The following NOM1 variants were observed in gnomAD, a reference collection of about 807,000 sequenced individuals.
The protein encoded by NOM1 is nucleolar protein with MIF4G domain 1, also known as nucleolar MIF4G domain-containing protein 1.
A neutral mutation model predicts 73.3 loss-of-function variants in NOM1; 58 were observed. The observed-to-expected ratio is 0.79, with a 90% CI of 0.64 to 0.99. The LOEUF (loss-of-function observed/expected upper bound fraction) is 0.99. Among genes scored for constraint, NOM1 ranks in the 50% least tolerant of loss-of-function variants. NOM1 has a pLI of 0.00. For missense variants in NOM1, 1,226 were observed against 1,131.9 expected, an observed-to-expected ratio of 1.08 and a Z score of -1.19; for synonymous variants, 487 against 446.8, an observed-to-expected ratio of 1.09 and a Z score of -1.14.
chr7:156,963,330 T>C (rs749149226), intron 6 of NOM1, 155 bp downstream of exon 6: 6 of 712,558 alleles, frequency 8.4e-6, no homozygotes, highest in African/African-American at 1.8e-5. Context: ...GCTATTAATA[T>C]TACATTGTGA....
chr7:156,962,646 G>C (rs1015258560), intron 5 of NOM1, among the ~76,000 whole-genome samples: 2 of 152,226 alleles, frequency 1.3e-5, no homozygotes, highest in African/African-American at 4.8e-5. Flanking sequence ...GACTGGGGCA[G>C]CCTCCCTGTT....
chr7:156,956,268 G>A lies in NOM1; in HGVS notation c.1308+1970G>A, dbSNP rs547228641. On this transcript the variant is annotated intron_variant, in intron 3 of 10. Coordinates refer to ENST00000275820, the MANE Select transcript of NOM1 (RefSeq NM_138400.2). ...TCACTGGGGCTTCTGTGCTGAAGGC[G>A]GCATGGGGTGGGTGGAGATGCTGCC... Among the ~76,000 whole-genome samples, 20 of 152,150 alleles carry A rather than the reference G, an allele frequency of 1.3e-4. No individual in the cohort carries two copies. In the South Asian group the frequency reaches 2.5e-3, roughly 19 times the overall value.
chr7:156,964,444 A>G (rs1212006545), intron 7 of NOM1, among the ~76,000 whole-genome samples: 2 of 152,100 alleles, frequency 1.3e-5, no homozygotes, highest in East Asian at 1.9e-4. Context: ...ACATCCTGGT[A>G]TAGTTTGTAT....
At chr7:156,956,109 C>T (rs373654660) in intron 3 of NOM1, among the ~76,000 whole-genome samples, 1 of 151,638 alleles carries the variant, frequency 6.6e-6, no homozygotes, top group East Asian at 1.9e-4. Context: ...AGGAGAATGG[C>T]GTGAACCCAG....
chr7:156,962,078 T>A (rs1804877782), intron 4 of NOM1, 73 bp from the exon 5 acceptor site: 9 of 1,267,822 alleles, frequency 7.1e-6, no homozygotes, highest in Non-Finnish European at 1.0e-5. Context: ...TGTGGTAGAT[T>A]TCTTGCCAAC....
Position 156,960,134 on chromosome 7 carries a change from A to C in NOM1, c.1592A>C (p.Lys531Thr). 1 of 1,613,796 alleles carries C rather than the reference A, an allele frequency of 6.2e-7. No homozygotes were observed. Among genetic ancestry groups the C allele is most frequent in the Non-Finnish European group, 8.5e-7 (1 of 1,179,938 alleles). ...GAATTGATCACTGAAGCCCAGACCA[A>C]AGCCAGCGGGGCAGGCAGCGAGTTT... ...LKELITEAQT[K>T]ASGAGSEFQD... is the part of the protein sequence containing the mutation. Residue 531 changes from lysine (K) to threonine (T), a missense_variant, in exon 4 of 11, where the codon AAA (lysine) becomes ACA (threonine). By Grantham distance (78) the Lys-to-Thr change is moderately conservative. Coordinates refer to ENST00000275820, the MANE Select transcript of NOM1 (RefSeq NM_138400.2).
intron 10 of NOM1, 77 bp from the exon 11 acceptor site, chr7:156,969,452 C>T: frequency 2.4e-6 from 3 of 1,243,458 alleles, no homozygotes; most frequent in Non-Finnish European, 2.3e-6. Context: ...TTATGTCTCA[C>T]TATGCGAGAT....
At chr7:156,951,822 C>G (rs1429524982) in intron 1 of NOM1, among the ~76,000 whole-genome samples, 1 of 152,032 alleles carries the variant, frequency 6.6e-6, no homozygotes, top group East Asian at 1.9e-4. Context: ...ATTCTCCTGC[C>G]TCATCTCCCA....
chr7:156,951,123 C>T (rs114528087), intron 1 of NOM1, among the ~76,000 whole-genome samples: 1,770 of 152,262 alleles, frequency 0.012, 33 homozygotes, highest in African/African-American at 0.041. Context: ...TTACAGCACT[C>T]CCTTAGATAA....
At chr7:156,960,281 A>G (rs1804832457) in intron 4 of NOM1, 107 bp downstream of exon 4, 1 of 920,128 alleles carries the variant, frequency 1.1e-6, no homozygotes, top group East Asian at 2.5e-5. Flanking sequence ...TTTCCTAGTG[A>G]TTTCTGTTTT....
intron 9 of NOM1, among the ~76,000 whole-genome samples, chr7:156,968,487 C>T (rs1270387137): frequency 6.6e-6 from 1 of 152,110 alleles, no homozygotes; most frequent in South Asian, 2.1e-4. Flanking sequence ...GTTTAGTCCC[C>T]TCCTCTAGCT....
At position 156,950,477 on chromosome 7, in the gene NOM1, C is replaced by G. The variant is rs1423003218; in HGVS notation, c.740C>G (p.Pro247Arg). 1.9e-6 allele frequency: 3 copies of G among 1,613,742 alleles called. No homozygotes were observed. ...GAGGAAGATGCCGGACAGACACTCC[C>G]CGAAAGTGACTTAGAGAGTGACTCC... is the stretch of plus-strand genomic sequence containing the variant. ...EEEEDAGQTL[P>R]ESDLESDSQD... Residue 247 changes from proline (P) to arginine (R), a missense_variant, in exon 1 of 11, where the codon CCC (proline) becomes CGC (arginine). Coordinates refer to ENST00000275820, the MANE Select transcript of NOM1 (RefSeq NM_138400.2).
In NOM1 at chr7:156,954,366, A is replaced by G. The variant is rs1804667575; in HGVS notation, c.1308+68A>G. The G allele has an allele frequency of 3.0e-6, 4 of 1,350,902 alleles. No individual in the cohort carries two copies. The South Asian group carries it at 6.1e-5, about 20-fold the overall frequency. 83.7% of individuals were successfully genotyped at this position (1,350,902 alleles called of 1,614,324 possible). A position where few individuals can be genotyped will look rare whatever the true frequency, so the allele number is the denominator to read the frequency against. ...GGTGATTATTTTAATGATAGGCTTGATAAGTGCGTAATTGTGTGCTGTGGG... is the reference window on the plus strand; with the variant it reads ...GGTGATTATTTTAATGATAGGCTTGGTAAGTGCGTAATTGTGTGCTGTGGG... On this transcript the variant is annotated intron_variant, in intron 3 of 10. Coordinates refer to ENST00000275820, the MANE Select transcript of NOM1 (RefSeq NM_138400.2).
rs914611979 is a variant in NOM1, at chr7:156,972,082, A to C, written c.*2379A>C. The C allele has an allele frequency of 2.0e-5, 3 of 152,252 alleles. No homozygotes were observed. Among genetic ancestry groups the C allele is most frequent in the Non-Finnish European group, 4.4e-5 (3 of 68,052 alleles). The allele number at this position is 152,252 out of a possible 1,614,324, so 9.4% of individuals were successfully genotyped here. ...CTTGGGCTAAGGTATAAATCAACAC[A>C]CTGCTTCCTTCCTCCAGAAGGTCTT... On this transcript the variant is annotated 3_prime_UTR_variant, in exon 11 of 11. Transcript: ENST00000275820.
Position 156,963,041 on chromosome 7 carries a change from C to G in NOM1, c.1777C>G (p.Leu593Val), listed in dbSNP as rs139894978. 2.2e-3 allele frequency: 3,491 copies of G among 1,613,720 alleles called. 7 individuals are homozygous for G. Among genetic ancestry groups the G allele is most frequent in the Non-Finnish European group, 2.7e-3 (3,232 of 1,179,604 alleles). ...RNAGSGSETQ[L>V]RVSWDSVLSA... Reference sequence around the variant, plus strand: ...CGCCGGCTCAGGTTCTGAGACGCAGCTTCGCGTCTCCTGGGACAGTGTCTT... The same window carrying G: ...CGCCGGCTCAGGTTCTGAGACGCAGGTTCGCGTCTCCTGGGACAGTGTCTT... The change falls in exon 6 of 11, where the codon CTT (leucine) becomes GTT (valine). Residue 593 changes from leucine to valine, a missense_variant. Physicochemically the swap from Leu to Val is conservative, Grantham distance 32. Coordinates refer to ENST00000275820, the MANE Select transcript of NOM1 (RefSeq NM_138400.2).
At chr7:156,951,021 C>G (rs1158014899) in intron 1 of NOM1, among the ~76,000 whole-genome samples, 1 of 152,210 alleles carries the variant, frequency 6.6e-6, no homozygotes, top group Admixed American at 6.5e-5. Flanking sequence ...AACCTGTTAA[C>G]CCTACCTCAT....
rs747420341 is a variant in NOM1, at chr7:156,962,245, A to T, written c.1727A>T (p.Lys576Ile). 2 of 1,613,870 alleles carry T rather than the reference A, an allele frequency of 1.2e-6. No homozygotes were observed. The highest frequency in any genetic ancestry group is 2.2e-5 in the South Asian group (2 of 91,084). ...YDPEPVEKLR[K>I]LQRALVRNAG... ...CCCGAGCCCGTGGAGAAGCTGAGGAAACTGCAGAGAGCTTTGGTGAGTCAA... is the reference window on the plus strand; with the variant it reads ...CCCGAGCCCGTGGAGAAGCTGAGGATACTGCAGAGAGCTTTGGTGAGTCAA... The change falls in exon 5 of 11, where the codon AAA becomes ATA. Residue 576 changes from lysine to isoleucine, a missense_variant. Lys to Ile is a moderately radical substitution (Grantham distance 102, BLOSUM62 -3). Coordinates refer to ENST00000275820, the MANE Select transcript of NOM1 (RefSeq NM_138400.2).
At chr7:156,954,542 T>TTTTTTTTTTTTTTTTTTTTTTTG in intron 3 of NOM1, among the ~76,000 whole-genome samples, 1 of 70,086 alleles carries the variant, frequency 1.4e-5, no homozygotes, top group East Asian at 3.2e-4. Context: ...TTTTTTTTTT[T>TTTTTTTTTTTTTTTTTTTTTTTG]GAGACAGGGT....
intron 9 of NOM1, 50 bp downstream of exon 9, chr7:156,967,142 T>C (rs1805018551): frequency 1.3e-6 from 2 of 1,593,964 alleles, no homozygotes; most frequent in Non-Finnish European, 1.7e-6. Context: ...GGGAGTGTAA[T>C]TGTTTAGTAC....
Sources: allele counts gnomAD v4.1 joint callset (sites outside exome capture counted in the v4.1 genomes callset), GRCh38; gene constraint gnomAD v4.1.1; transcripts MANE v1.5; gene names NCBI Gene and HGNC (gene_info 2026-07-23, HGNC 2026-07-21).